RNGTT: variants seen among roughly 807,000 people sequenced by gnomAD.
RNGTT encodes mRNA-capping enzyme.
Under a neutral mutation model 79.3 loss-of-function variants are expected in RNGTT, and 33 were observed. The observed-to-expected ratio is 0.42, with a 90% CI of 0.32 to 0.56. RNGTT has a LOEUF of 0.56. Among genes scored for constraint, RNGTT ranks in the 20% least tolerant of loss-of-function variants. The probability of loss-of-function intolerance (pLI) is 0.17; values close to 1 mark genes in which losing one functional copy is unlikely to be tolerated. For missense variants in RNGTT, 497 were observed against 739.1 expected (o/e 0.67, Z 3.80); for synonymous variants, 222 against 235.9 (o/e 0.94, Z 0.54).
chr6:88,766,323 C>T (rs1448473784), intron 13 of RNGTT, among the ~76,000 whole-genome samples: 1 of 152,096 alleles, frequency 6.6e-6, no homozygotes, highest in Non-Finnish European at 1.5e-5. Flanking sequence ...ACATTGTACT[C>T]AAGAGTTTGC....
chr6:88,646,235 A>G (rs1161006779), intron 14 of RNGTT, among the ~76,000 whole-genome samples: 1 of 152,268 alleles, frequency 6.6e-6, no homozygotes, highest in African/African-American at 2.4e-5. Context: ...GCCAGCAGAC[A>G]CATGGAAACA....
intron 4 of RNGTT, among the ~76,000 whole-genome samples, chr6:88,920,403 G>A (rs1314161661): frequency 2.0e-5 from 3 of 152,002 alleles, no homozygotes; most frequent in African/African-American, 7.3e-5. Context: ...AAAAAAGCAG[G>A]TTATTTATAT....
At chr6:88,801,716 ACTT>A (rs2127863123) in intron 11 of RNGTT, 84 bp from the exon 12 acceptor site, 1 of 847,928 alleles carries the variant, frequency 1.2e-6, no homozygotes, top group South Asian at 1.5e-5. Context: ...CTTTATAAAA[ACTT>A]CTTAATATAT....
chr6:88,730,076 A>T (rs1318743973), intron 13 of RNGTT, among the ~76,000 whole-genome samples: 2 of 152,184 alleles, frequency 1.3e-5, no homozygotes, highest in East Asian at 3.9e-4. Context: ...TGGAAAATCA[A>T]GCAGAACAAC....
intron 13 of RNGTT, 44 bp downstream of exon 13, chr6:88,769,730 A>G: frequency 8.4e-7 from 1 of 1,192,844 alleles, no homozygotes; most frequent in South Asian, 1.3e-5. Flanking sequence ...AGCCTTACAC[A>G]AACAGTATTA....
chr6:88,909,113 A>C (rs1783751543), intron 4 of RNGTT, among the ~76,000 whole-genome samples: 1 of 152,160 alleles, frequency 6.6e-6, no homozygotes, highest in Non-Finnish European at 1.5e-5. Flanking sequence ...TCTTCAGAAG[A>C]CCAGTCCAGG....
intron 13 of RNGTT, among the ~76,000 whole-genome samples, chr6:88,715,217 T>A (rs144777575): frequency 7.0e-4 from 106 of 152,294 alleles, no homozygotes; most frequent in African/African-American, 2.5e-3. Flanking sequence ...CATTCACAAT[T>A]GCTTCAAAAA....
intron 13 of RNGTT, among the ~76,000 whole-genome samples, chr6:88,690,453 T>A (rs529256028): frequency 6.6e-6 from 1 of 152,014 alleles, no homozygotes; most frequent in Non-Finnish European, 1.5e-5. Context: ...ACACCTATAA[T>A]CCTAGCGCTT....
At chr6:88,622,410 T>A (rs2127766149) in intron 14 of RNGTT, among the ~76,000 whole-genome samples, 1 of 152,274 alleles carries the variant, frequency 6.6e-6, no homozygotes, top group Non-Finnish European at 1.5e-5. Context: ...TCTACTCTCA[T>A]GTGGCTTCTA....
chr6:88,716,581 T>C (rs1196260973), intron 13 of RNGTT, among the ~76,000 whole-genome samples: 1 of 152,140 alleles, frequency 6.6e-6, no homozygotes, highest in Non-Finnish European at 1.5e-5. Context: ...AGTCCAACAA[T>C]GATAGACTGG....
At chr6:88,770,458 C>T (rs1582439445) in intron 12 of RNGTT, among the ~76,000 whole-genome samples, 2 of 152,168 alleles carry the variant, frequency 1.3e-5, no homozygotes, top group Admixed American at 6.5e-5. Flanking sequence ...ATGAATCTAT[C>T]CTGGTGCATA....
chr6:88,623,355 T>C (rs957054759), intron 14 of RNGTT, among the ~76,000 whole-genome samples: 4 of 152,090 alleles, frequency 2.6e-5, no homozygotes, highest in African/African-American at 7.2e-5. Context: ...TCGGTAAATA[T>C]ATGTTTTTTC....
chr6:88,917,824 T>C (rs1002835972), intron 4 of RNGTT, among the ~76,000 whole-genome samples: 1 of 151,646 alleles, frequency 6.6e-6, no homozygotes, highest in African/African-American at 2.4e-5. Flanking sequence ...GAGGCAGAGA[T>C]TGCAGTGAGC....
At chr6:88,801,519 C>T in intron 12 of RNGTT, 45 bp downstream of exon 12, 5 of 1,472,626 alleles carry the variant, frequency 3.4e-6, no homozygotes, top group Non-Finnish European at 4.7e-6. Flanking sequence ...TACACACACA[C>T]ACAAACACAC....
intron 8 of RNGTT, among the ~76,000 whole-genome samples, chr6:88,873,943 A>G (rs1267535032): frequency 6.6e-6 from 1 of 152,186 alleles, no homozygotes; most frequent in African/African-American, 2.4e-5. Context: ...ATAACAGGAC[A>G]CTGCAAACTT....
intron 11 of RNGTT, among the ~76,000 whole-genome samples, chr6:88,802,133 T>C (rs1779810370): frequency 6.6e-6 from 1 of 152,148 alleles, no homozygotes; most frequent in Non-Finnish European, 1.5e-5. Context: ...ACATGAAGAT[T>C]ATAGTCCAAA....
At chr6:88,674,573 C>T (rs946523918) in intron 14 of RNGTT, among the ~76,000 whole-genome samples, 1 of 151,838 alleles carries the variant, frequency 6.6e-6, no homozygotes, top group Non-Finnish European at 1.5e-5. Context: ...GATATGATGA[C>T]TGAACATCTT....
chr6:88,861,052 G>C (rs1781999562), intron 8 of RNGTT, among the ~76,000 whole-genome samples: 1 of 152,004 alleles, frequency 6.6e-6, no homozygotes, highest in Non-Finnish European at 1.5e-5. Flanking sequence ...AGTGTATAAT[G>C]CTAATTCTAG....
rs184940567 is a variant in RNGTT, at chr6:88,763,982, T to G, written c.1439+5792A>C. ...GTTCATGCTATAGTATAAGCTGCTC[T>G]GCCACTTGGGCCTTATAACCCAGTA... On this transcript the variant is annotated intron_variant, in intron 13 of 15. Coordinates refer to ENST00000369485, the MANE Select transcript of RNGTT (RefSeq NM_003800.5). Among the ~76,000 whole-genome samples the G allele has an allele frequency of 1.8e-3, 275 of 152,336 alleles. 3 individuals are homozygous for G. The highest frequency in any genetic ancestry group is 6.5e-3 in the African/African-American group (269 of 41,576).
Sources: gnomAD v4.1 joint callset for allele counts (sites outside exome capture counted in the v4.1 genomes callset) on GRCh38, gnomAD v4.1.1 for gene constraint, MANE v1.5 for transcripts, NCBI Gene and HGNC (gene_info 2026-07-23, HGNC 2026-07-21) for gene names.